The following ZNF236 variants were observed in gnomAD, a reference collection of about 807,000 sequenced individuals.
The protein encoded by ZNF236 is regulated by glucose.
Under a neutral mutation model 191.2 loss-of-function variants are expected in ZNF236, and 50 were observed. The observed-to-expected ratio is 0.26, with a 90% CI of 0.21 to 0.33. ZNF236 has a LOEUF of 0.33. Ranked by LOEUF, ZNF236 falls within the 10% of genes least tolerant of loss-of-function variation. The pLI is 1.00. For missense variants in ZNF236, 1,754 were observed against 2,374.5 expected, an observed-to-expected ratio of 0.74 and a Z score of 5.43; for synonymous variants, 907 against 928.8, an observed-to-expected ratio of 0.98 and a Z score of 0.43.
chr18:76,863,284 T>C (rs1361915196), intron 3 of ZNF236, among the ~76,000 whole-genome samples: 3 of 152,146 alleles, frequency 2.0e-5, no homozygotes, highest in Admixed American at 2.0e-4. Context: ...TGGAAATGTA[T>C]TTGAAGAAAT....
Position 76,960,583 on chromosome 18 carries a change from G to A in ZNF236, c.5243-96G>A. 4 of 1,446,504 alleles carry A rather than the reference G, an allele frequency of 2.8e-6. No homozygotes were observed. The South Asian group carries it at 3.5e-5, about 13-fold the overall frequency. The allele number at this position is 1,446,504 out of a possible 1,614,324, so 89.6% of individuals were successfully genotyped here. A position where few individuals can be genotyped will look rare whatever the true frequency, so the allele number is the denominator to read the frequency against. ...CAGGCTGAAAGCCTAAAAGAAAAGA[G>A]GAACATTCAGTCCCTCTTGTTCATA... On this transcript the variant is annotated intron_variant, in intron 29 of 30. Transcript: ENST00000320610. This position sits in a 1 kb window ranked among gnomAD's most constrained non-coding sequence, Gnocchi z 4.4.
intron 7 of ZNF236, among the ~76,000 whole-genome samples, chr18:76,879,686 G>A (rs2156340): frequency 0.35 from 53,031 of 152,034 alleles, 9,637 homozygotes; most frequent in East Asian, 0.52. Flanking sequence ...GCATTACAGC[G>A]CCTTTATTCC....
At chr18:76,831,882 T>TTA (rs1191892818) in intron 1 of ZNF236, among the ~76,000 whole-genome samples, 2 of 152,192 alleles carry the variant, frequency 1.3e-5, no homozygotes, top group Non-Finnish European at 2.9e-5. Context: ...TATTACTGAT[T>TTA]TATAGGAGGT....
chr18:76,932,803 G>A (rs573534637), intron 25 of ZNF236, among the ~76,000 whole-genome samples: 2 of 152,350 alleles, frequency 1.3e-5, no homozygotes, highest in Admixed American at 1.3e-4. Context: ...GATCCTGGAT[G>A]TTTGTAGGCG....
intron 26 of ZNF236, among the ~76,000 whole-genome samples, chr18:76,943,122 C>CAAAAAAAA (rs530931580): frequency 1.2e-5 from 1 of 85,880 alleles, no homozygotes; most frequent in Non-Finnish European, 2.1e-5. Flanking sequence ...GACTCCGTCT[C>CAAAAAAAA]AAAAAAAAAA....
chr18:76,845,136 T>C (rs1353614296), intron 1 of ZNF236, among the ~76,000 whole-genome samples: 1 of 152,222 alleles, frequency 6.6e-6, no homozygotes, highest in Non-Finnish European at 1.5e-5. Context: ...AACTAGTCTC[T>C]ACTTAAGGCA....
At chr18:76,918,489 A>G (rs1417228083) in intron 19 of ZNF236, among the ~76,000 whole-genome samples, 1 of 152,192 alleles carries the variant, frequency 6.6e-6, no homozygotes, top group Non-Finnish European at 1.5e-5. Flanking sequence ...CACTGGCACA[A>G]TCATAATTCA....
At chr18:76,865,415 A>G (rs1976379910) in intron 3 of ZNF236, among the ~76,000 whole-genome samples, 2 of 152,190 alleles carry the variant, frequency 1.3e-5, no homozygotes, top group Admixed American at 1.3e-4. Flanking sequence ...ACTTACTCCA[A>G]ACATAAAATG....
intron 3 of ZNF236, among the ~76,000 whole-genome samples, chr18:76,859,984 A>G (rs539968805): frequency 1.5e-3 from 230 of 152,148 alleles, no homozygotes; most frequent in African/African-American, 5.3e-3. Context: ...CTGGTTGTGG[A>G]GTCTGGGCTG....
chr18:76,870,927 G>A (rs1268040643), intron 4 of ZNF236, among the ~76,000 whole-genome samples: 1 of 152,136 alleles, frequency 6.6e-6, no homozygotes. Flanking sequence ...CCAGACTTTC[G>A]GGTGGCACTG....
rs1040371884 is a variant in ZNF236 at position 76,927,871 on chromosome 18, A to G, written c.4415-56A>G. On this transcript the variant is annotated intron_variant, in intron 24 of 30. Transcript: ENST00000320610. The surrounding 1 kb of genome is among the most constrained non-coding windows in gnomAD (Gnocchi z 5.4). ...ATTAAAATATTTTTAATATAAAAAC[A>G]GGGGAAATTGGTTATTTTGAATCTC... is the stretch of plus-strand genomic sequence containing the variant. The G allele has an allele frequency of 4.7e-5, 60 of 1,285,628 alleles. No homozygotes were observed. In the Middle Eastern group the frequency reaches 1.1e-3, roughly 24 times the overall value. 79.6% of individuals were successfully genotyped at this position (1,285,628 alleles called of 1,614,324 possible).
intron 1 of ZNF236, among the ~76,000 whole-genome samples, chr18:76,831,556 G>A (rs1039458112): frequency 1.3e-5 from 2 of 152,140 alleles, no homozygotes; most frequent in African/African-American, 4.8e-5. Flanking sequence ...AAATCTCGGG[G>A]ACTGTGACTG....
chr18:76,867,219 C>A (rs1349264831), intron 3 of ZNF236, among the ~76,000 whole-genome samples: 3 of 77,624 alleles, frequency 3.9e-5, no homozygotes, highest in Non-Finnish European at 7.6e-5. Flanking sequence ...GCATTCAGGA[C>A]TGCAGAGGTT....
chr18:76,921,835 G>A (rs1967545358), intron 20 of ZNF236, among the ~76,000 whole-genome samples: 1 of 143,890 alleles, frequency 6.9e-6, no homozygotes, highest in Non-Finnish European at 1.5e-5. Flanking sequence ...TCCGAGAACG[G>A]GACGTTCTTA....
rs1050808604 is a variant in ZNF236 at position 76,969,539 on chromosome 18, A to G, written c.*1200A>G. The G allele has an allele frequency of 7.9e-5, 12 of 152,492 alleles. No individual in the cohort carries two copies. The highest frequency in any genetic ancestry group is 2.7e-4 in the African/African-American group (11 of 41,440). 9.4% of individuals were successfully genotyped at this position (152,492 alleles called of 1,614,324 possible). A position where few individuals can be genotyped will look rare whatever the true frequency, so the allele number is the denominator to read the frequency against. On this transcript the variant is annotated 3_prime_UTR_variant, in exon 31 of 31. Coordinates refer to ENST00000320610, the MANE Select transcript of ZNF236 (RefSeq NM_001306089.2). The stretch of plus-strand genomic sequence containing the variant: ...GAAAGAGCGTCAGTTTCACCTCCCC[A>G]CGAGCACTTCAGATCAGTATTGTAT...
rs573447316 is a variant in ZNF236, at chr18:76,970,461, C to T, written c.*2122C>T. On this transcript the variant is annotated 3_prime_UTR_variant, in exon 31 of 31. Transcript: ENST00000320610. ...ACACAAGACATTTTATGTATTATTT[C>T]GATTTACTTCCTAATTATAAAAGCT... 6 of 152,660 alleles carry T rather than the reference C, an allele frequency of 3.9e-5. 1 individual carries two copies. Among genetic ancestry groups the T allele is most frequent in the African/African-American group, 1.2e-4 (5 of 41,550 alleles). 9.5% of individuals were successfully genotyped at this position (152,660 alleles called of 1,614,324 possible).
intron 25 of ZNF236, chr18:76,935,843 A>T (rs1260818272): frequency 5.5e-6 from 2 of 362,410 alleles, no homozygotes; most frequent in Non-Finnish European, 1.1e-5. Context: ...ACAAGGCCAC[A>T]CTCCTCGGGC....
chr18:76,945,950 G>A (rs904463467), intron 26 of ZNF236, among the ~76,000 whole-genome samples: 1 of 151,582 alleles, frequency 6.6e-6, no homozygotes, highest in African/African-American at 2.4e-5. Context: ...AATCCCTGAT[G>A]ATGACTGTAT....
At chr18:76,855,945 G>C (rs1163232361) in intron 3 of ZNF236, among the ~76,000 whole-genome samples, 1 of 152,186 alleles carries the variant, frequency 6.6e-6, no homozygotes, top group East Asian at 1.9e-4. Flanking sequence ...CAAAGGATAT[G>C]TGAATTCAAA....
Sources: allele counts gnomAD v4.1 joint callset (sites outside exome capture counted in the v4.1 genomes callset), GRCh38; gene constraint gnomAD v4.1.1; non-coding constraint Gnocchi (gnomAD v3.1); transcripts MANE v1.5; gene names NCBI Gene and HGNC (gene_info 2026-07-23, HGNC 2026-07-21).